The following DTX4 variants were observed in gnomAD, a reference collection of about 807,000 sequenced individuals.
DTX4 encodes the protein deltex E3 ubiquitin ligase 4.
A neutral mutation model predicts 57.6 loss-of-function variants in DTX4; 28 were observed. That is an observed-to-expected ratio of 0.49 (90% CI 0.36 to 0.67). DTX4 has a LOEUF of 0.67. Ranked by LOEUF, DTX4 falls within the 30% of genes least tolerant of loss-of-function variation. The pLI is 0.00. For synonymous variants in DTX4, 316 were observed against 331.0 expected, an observed-to-expected ratio of 0.95 and a Z score of 0.49; for missense variants, 715 against 836.8, an observed-to-expected ratio of 0.85 and a Z score of 1.80.
chr11:59,182,269 G>A lies in DTX4; in HGVS notation c.742G>A (p.Gly248Ser), dbSNP rs775722620. ...KPLDSTGTIR[G>S]PLKTAPSQVI... ...ACTGGACAGCACAGGCACCATTCGA[G>A]GCCCACTGAAGACCGCCCCATCGCA... The change falls in exon 2 of 9, where the codon GGC (glycine) becomes AGC (serine). Residue 248 changes from glycine (G) to serine (S), a missense_variant. Coordinates refer to ENST00000227451, the MANE Select transcript of DTX4 (RefSeq NM_015177.2). 9.3e-6 allele frequency: 15 copies of A among 1,612,300 alleles called. No individual in the cohort carries two copies. The South Asian group carries it at 1.4e-4, about 15-fold the overall frequency.
chr11:59,179,794 G>C (rs1300485083), intron 1 of DTX4, among the ~76,000 whole-genome samples: 1 of 152,186 alleles, frequency 6.6e-6, no homozygotes, highest in Non-Finnish European at 1.5e-5. Flanking sequence ...GGCCCAGGCA[G>C]GGTGTTGCCA....
intron 7 of DTX4, 127 bp downstream of exon 7, chr11:59,195,496 C>T (rs1862654743): frequency 2.9e-6 from 3 of 1,051,444 alleles, no homozygotes; most frequent in East Asian, 2.8e-5. Context: ...CCCAGCCTTG[C>T]CCGCTGACAC....
At chr11:59,202,847 A>T (rs1421124714) in intron 8 of DTX4, among the ~76,000 whole-genome samples, 1 of 152,240 alleles carries the variant, frequency 6.6e-6, no homozygotes, top group East Asian at 1.9e-4. Flanking sequence ...AACATCGCAG[A>T]GTGTACTTAC....
At position 59,189,172 on chromosome 11, in the gene DTX4, G is replaced by A; in HGVS notation, c.1008G>A (p.Gly336=). Residue 336 remains glycine, a synonymous_variant, in exon 4 of 9, where the codon GGG becomes GGA. Coordinates refer to ENST00000227451, the MANE Select transcript of DTX4 (RefSeq NM_015177.2). The part of the protein sequence containing the change: ...PVNPALAGIT[G]ILMSAAGLPV... ...CCCTGCCCCTTCCAGGAATCACTGG[G>A]ATCCTCATGAGTGCAGCGGGGCTGC... 1.9e-6 allele frequency: 3 copies of A among 1,613,426 alleles called. No homozygotes were observed. The highest frequency in any genetic ancestry group is 2.5e-6 in the Non-Finnish European group (3 of 1,179,850).
At chr11:59,188,839 C>A (rs1282865520) in intron 3 of DTX4, 43 bp downstream of exon 3, 8 of 1,540,902 alleles carry the variant, frequency 5.2e-6, no homozygotes, top group Non-Finnish European at 7.2e-6. Flanking sequence ...GTAGAGAAAT[C>A]AGAGTGATGA....
intron 1 of DTX4, among the ~76,000 whole-genome samples, chr11:59,181,387 G>C (rs1236922714): frequency 6.6e-6 from 1 of 152,220 alleles, no homozygotes; most frequent in African/African-American, 2.4e-5. Context: ...TTTCCCAGGA[G>C]GGAAAGGGAG....
At chr11:59,193,361 A>C (rs539504144) in intron 6 of DTX4, among the ~76,000 whole-genome samples, 1 of 151,902 alleles carries the variant, frequency 6.6e-6, no homozygotes, top group South Asian at 2.1e-4. Flanking sequence ...CTTCATCTTC[A>C]TGTAGCCTAT....
intron 5 of DTX4, 50 bp downstream of exon 5, chr11:59,191,225 C>T (rs1306797286): frequency 2.6e-6 from 4 of 1,523,662 alleles, no homozygotes; most frequent in Non-Finnish European, 3.6e-6. Context: ...CACCCACAAG[C>T]ATTTCCTCTT....
intron 2 of DTX4, among the ~76,000 whole-genome samples, chr11:59,183,690 G>A (rs1862493727): frequency 6.6e-6 from 1 of 152,186 alleles, no homozygotes; most frequent in African/African-American, 2.4e-5. Context: ...TTGGCACTGG[G>A]AGGAGGAATG....
chr11:59,177,894 A>T (rs915704751), intron 1 of DTX4, among the ~76,000 whole-genome samples: 9 of 152,242 alleles, frequency 5.9e-5, no homozygotes, highest in African/African-American at 1.4e-4. Context: ...TGCCTAGGAC[A>T]TGCAGGCATA....
intron 7 of DTX4, among the ~76,000 whole-genome samples, chr11:59,196,878 T>C (rs1004512852): frequency 3.3e-5 from 5 of 152,202 alleles, no homozygotes; most frequent in Non-Finnish European, 5.9e-5. Flanking sequence ...TTGTTATATA[T>C]TGCAATGTAA....
At position 59,206,624 on chromosome 11, in the gene DTX4, G is replaced by A. The variant is rs1415331836; in HGVS notation, c.*1715G>A. On this transcript the variant is annotated 3_prime_UTR_variant, in exon 9 of 9. Coordinates refer to ENST00000227451, the MANE Select transcript of DTX4 (RefSeq NM_015177.2). ...AATGGTACTTAGATGGGAACTGGAG[G>A]CCAATCTTTCATAAAGCCAGCCCCA... 6.6e-6 allele frequency: 1 copy of A among 152,402 alleles called. No individual in the cohort carries two copies. Among genetic ancestry groups the A allele is most frequent in the Non-Finnish European group, 1.5e-5 (1 of 68,012 alleles). 9.4% of individuals were successfully genotyped at this position (152,402 alleles called of 1,614,324 possible).
rs138016088 is a variant in DTX4, at chr11:59,207,783, A to G, written c.*2874A>G. On this transcript the variant is annotated 3_prime_UTR_variant, in exon 9 of 9. Transcript: ENST00000227451. Reference sequence around the variant, plus strand: ...AATTGGATTGGAGACAAACCTCGTCAGATGCTCATCCCCTAAAAGGTTAAT... The same window carrying G: ...AATTGGATTGGAGACAAACCTCGTCGGATGCTCATCCCCTAAAAGGTTAAT... 3.2e-3 allele frequency: 483 copies of G among 152,734 alleles called. 1 individual carries two copies. The highest frequency in any genetic ancestry group is 4.7e-3 in the Non-Finnish European group (318 of 68,022). The allele number at this position is 152,734 out of a possible 1,614,324, so 9.5% of individuals were successfully genotyped here.
intron 1 of DTX4, among the ~76,000 whole-genome samples, chr11:59,180,476 C>G (rs1862449670): frequency 6.6e-6 from 1 of 152,168 alleles, no homozygotes; most frequent in Non-Finnish European, 1.5e-5. Flanking sequence ...TTTCTTCCCC[C>G]CTTGAATGGG....
In DTX4 at chr11:59,208,226, T is replaced by C. The variant is rs373159862; in HGVS notation, c.*3317T>C. ...GTTTGTAGATTAGTGCACCTATCTG[T>C]GAGGGATTTGGGTTACCTCCCTGAG... On this transcript the variant is annotated 3_prime_UTR_variant, in exon 9 of 9. Coordinates refer to ENST00000227451, the MANE Select transcript of DTX4 (RefSeq NM_015177.2). 16 of 152,728 alleles carry C rather than the reference T, an allele frequency of 1.0e-4. No individual in the cohort carries two copies. The East Asian group carries it at 2.9e-3, about 28-fold the overall frequency. The allele number at this position is 152,728 out of a possible 1,614,324, so 9.5% of individuals were successfully genotyped here.
chr11:59,189,508 G>A (rs1205095351), intron 4 of DTX4, among the ~76,000 whole-genome samples, 185 bp downstream of exon 4: 2 of 152,066 alleles, frequency 1.3e-5, no homozygotes, highest in African/African-American at 4.8e-5. Context: ...TGGATCAGAT[G>A]GAAACACCTT....
intron 1 of DTX4, among the ~76,000 whole-genome samples, chr11:59,180,657 A>G (rs150374342): frequency 6.6e-6 from 1 of 152,276 alleles, no homozygotes; most frequent in African/African-American, 2.4e-5. Flanking sequence ...CCTGAGCTAG[A>G]CATCTTTAGC....
chr11:59,193,888 G>A (rs138494491), intron 6 of DTX4, among the ~76,000 whole-genome samples: 27 of 152,340 alleles, frequency 1.8e-4, no homozygotes, highest in African/African-American at 5.3e-4. Context: ...CTGTCTTCCC[G>A]AGGAGTTGGG....
intron 1 of DTX4, among the ~76,000 whole-genome samples, chr11:59,178,794 G>C (rs1414338134): frequency 6.6e-6 from 1 of 152,184 alleles, no homozygotes; most frequent in Non-Finnish European, 1.5e-5. Context: ...GAATGGTAAG[G>C]AGAATTTCAA....
Sources: gnomAD v4.1 joint callset for allele counts (sites outside exome capture counted in the v4.1 genomes callset) on GRCh38, gnomAD v4.1.1 for gene constraint, MANE v1.5 for transcripts, NCBI Gene and HGNC (gene_info 2026-07-23, HGNC 2026-07-21) for gene names.